USP13: variants seen among roughly 807,000 people sequenced by gnomAD.
USP13 encodes the protein ubiquitin specific peptidase 13.
In USP13, 68 loss-of-function variants were observed where a neutral mutation model predicts 107.8. The ratio of observed to expected loss-of-function variants is 0.63; its 90% confidence interval spans 0.52 to 0.77. The LOEUF (loss-of-function observed/expected upper bound fraction) is 0.77, where lower values mean the gene tolerates loss of function less well. Among genes scored for constraint, USP13 ranks in the 30% least tolerant of loss-of-function variants. The probability of loss-of-function intolerance (pLI) is 0.00; values close to 1 mark genes in which losing one functional copy is unlikely to be tolerated. For missense variants in USP13, 945 were observed against 1,093.3 expected, an observed-to-expected ratio of 0.86 and a Z score of 1.91; for synonymous variants, 377 against 389.5, an observed-to-expected ratio of 0.97 and a Z score of 0.38.
chr3:179,662,148 C>T (rs1003898149), intron 1 of USP13, among the ~76,000 whole-genome samples: 9 of 152,168 alleles, frequency 5.9e-5, no homozygotes, highest in African/African-American at 2.4e-5. Flanking sequence ...TGGACTGATA[C>T]ACATACATTC....
At chr3:179,729,581 C>T (rs1713720509) in intron 8 of USP13, among the ~76,000 whole-genome samples, 1 of 152,200 alleles carries the variant, frequency 6.6e-6, no homozygotes. Context: ...AAGTAATTCT[C>T]CTGCCTCAGC....
intron 13 of USP13, 59 bp downstream of exon 13, chr3:179,745,276 AG>A: frequency 9.1e-7 from 1 of 1,096,158 alleles, no homozygotes; most frequent in African/African-American, 2.1e-5. Flanking sequence ...GGGTGGGGAC[AG>A]GGGTAAGGGA....
intron 19 of USP13, among the ~76,000 whole-genome samples, chr3:179,778,926 T>C (rs1715644957): frequency 6.6e-6 from 1 of 152,038 alleles, no homozygotes; most frequent in African/African-American, 2.4e-5. Flanking sequence ...TCTGATGAGG[T>C]GACATTTGGA....
intron 1 of USP13, among the ~76,000 whole-genome samples, chr3:179,670,500 G>A (rs2108442905): frequency 6.6e-6 from 1 of 152,124 alleles, no homozygotes; most frequent in South Asian, 2.1e-4. Flanking sequence ...GAGCCAACTA[G>A]AGTACAGTGT....
chr3:179,653,436 T>C lies in USP13; in HGVS notation c.168+43T>C, dbSNP rs1430416491. On this transcript the variant is annotated intron_variant, in intron 1 of 20. Transcript: ENST00000263966. The surrounding 1 kb of genome is among the most constrained non-coding windows in gnomAD (Gnocchi z 4.0). ...GGGGAGGGTCGCGGGGCCGGCGGCC[T>C]GCGGCACGTGAAGCCGGGGGAGAAG... The C allele has an allele frequency of 3.3e-6, 5 of 1,532,872 alleles. No individual in the cohort carries two copies. The highest frequency in any genetic ancestry group is 3.5e-6 in the Non-Finnish European group (4 of 1,136,130). 95.0% of individuals were successfully genotyped at this position (1,532,872 alleles called of 1,614,324 possible).
intron 1 of USP13, among the ~76,000 whole-genome samples, chr3:179,654,097 C>G (rs1720177906): frequency 6.6e-6 from 1 of 151,594 alleles, no homozygotes; most frequent in Non-Finnish European, 1.5e-5. Context: ...GCCTGTAGTC[C>G]CAGCTACTCG....
At chr3:179,759,467 G>GA (rs1714928630) in intron 16 of USP13, among the ~76,000 whole-genome samples, 1 of 152,150 alleles carries the variant, frequency 6.6e-6, no homozygotes, top group Non-Finnish European at 1.5e-5. Flanking sequence ...TGCACATCAT[G>GA]AATTTCTAAG....
intron 1 of USP13, among the ~76,000 whole-genome samples, chr3:179,674,422 A>T (rs897361041): frequency 1.3e-5 from 2 of 152,226 alleles, no homozygotes; most frequent in African/African-American, 4.8e-5. Flanking sequence ...AACCTCATCC[A>T]TCGTGACAAT....
chr3:179,756,195 C>T (rs563144070), intron 15 of USP13, among the ~76,000 whole-genome samples: 5 of 152,116 alleles, frequency 3.3e-5, no homozygotes, highest in South Asian at 4.2e-4. Context: ...GAGGCCAAGG[C>T]GGGCAGATCA....
rs55669733 is a variant in USP13 at position 179,783,860 on chromosome 3, T to TA, written c.2499-171dup. ...GGGAATAGAATGAGGCCTTGTCTCTTAAAAAAAAAAAAAAAAAGCAGTTGT... is the reference window on the plus strand; with the variant it reads ...GGGAATAGAATGAGGCCTTGTCTCTTAAAAAAAAAAAAAAAAAAGCAGTTGT... On this transcript the variant is annotated intron_variant, in intron 20 of 20. Coordinates refer to ENST00000263966, the MANE Select transcript of USP13 (RefSeq NM_003940.3). 5.9e-3 allele frequency among the ~76,000 whole-genome samples: 814 copies of TA among 137,304 alleles called. 2 individuals carry two copies. The highest frequency in any genetic ancestry group is 0.018 in the South Asian group (72 of 4,110). 90.1% of individuals were successfully genotyped at this position (137,304 alleles called of 152,430 possible).
At chr3:179,774,629 G>A (rs769981487) in intron 19 of USP13, among the ~76,000 whole-genome samples, 7 of 152,190 alleles carry the variant, frequency 4.6e-5, no homozygotes, top group Admixed American at 6.5e-5. Context: ...GCTCATAAAG[G>A]TAGTGGAGAC....
At chr3:179,716,569 G>A (rs1210900467) in intron 6 of USP13, among the ~76,000 whole-genome samples, 4 of 152,126 alleles carry the variant, frequency 2.6e-5, no homozygotes, top group Admixed American at 6.5e-5. Flanking sequence ...AGGATGACCC[G>A]CGCCAGGCAT....
chr3:179,727,302 A>C (rs1713562185), intron 8 of USP13, among the ~76,000 whole-genome samples: 1 of 133,392 alleles, frequency 7.5e-6, no homozygotes, highest in African/African-American at 2.7e-5. Context: ...TCCTAGGCAG[A>C]GGACCCTGCG....
At chr3:179,658,425 G>A (rs1720353200) in intron 1 of USP13, among the ~76,000 whole-genome samples, 1 of 149,344 alleles carries the variant, frequency 6.7e-6, no homozygotes, top group African/African-American at 2.6e-5. Flanking sequence ...TGGCTCTCTT[G>A]TGCTAATTCT....
intron 17 of USP13, 21 bp downstream of exon 17, chr3:179,761,276 A>T: frequency 6.2e-7 from 1 of 1,613,760 alleles, no homozygotes; most frequent in East Asian, 2.2e-5. Context: ...AGAAAATGGA[A>T]TGGCTTTGGA....
chr3:179,739,820 A>G (rs1284157075), intron 10 of USP13, among the ~76,000 whole-genome samples: 2 of 152,102 alleles, frequency 1.3e-5, no homozygotes, highest in African/African-American at 4.8e-5. Context: ...CGGCCTCCCA[A>G]AATGCTAGGA....
intron 18 of USP13, 65 bp downstream of exon 18, chr3:179,764,233 G>A: frequency 6.5e-7 from 1 of 1,529,432 alleles, no homozygotes; most frequent in Non-Finnish European, 8.8e-7. Context: ...TTCTGTAGCA[G>A]TTGAGACTTT....
chr3:179,653,245 T>A lies in USP13; in HGVS notation c.20T>A (p.Leu7Gln). MQRRGA[L>Q]FGMPGGSGGR... Reference sequence around the variant, plus strand: ...GAGGCCATGCAGCGCCGGGGCGCCCTGTTCGGCATGCCGGGCGGCAGCGGA... The same window carrying A: ...GAGGCCATGCAGCGCCGGGGCGCCCAGTTCGGCATGCCGGGCGGCAGCGGA... The change falls in exon 1 of 21, where the codon CTG (leucine) becomes CAG (glutamine). Residue 7 changes from leucine (L) to glutamine (Q), a missense_variant. Physicochemically the swap from Leu to Gln is moderately radical, Grantham distance 113. Transcript: ENST00000263966. The surrounding 1 kb of genome is among the most constrained non-coding windows in gnomAD (Gnocchi z 4.0). 1 of 1,552,950 alleles carries A rather than the reference T, an allele frequency of 6.4e-7. No individual in the cohort carries two copies. The highest frequency in any genetic ancestry group is 8.7e-7 in the Non-Finnish European group (1 of 1,149,318).
rs527485071 is a variant in USP13 at position 179,752,902 on chromosome 3, G to T, written c.1798+529G>T. Among the ~76,000 whole-genome samples the T allele has an allele frequency of 2.0e-5, 3 of 152,340 alleles. No homozygotes were observed. In the South Asian group the frequency reaches 6.2e-4, roughly 32 times the overall value. ...ACTTAATAAAGTAGAAAAAAAGCCA[G>T]TTGCATTAGACAGTAAAACAAAAGG... On this transcript the variant is annotated intron_variant, in intron 14 of 20. Transcript: ENST00000263966.
Sources: allele counts gnomAD v4.1 joint callset (sites outside exome capture counted in the v4.1 genomes callset), GRCh38; gene constraint gnomAD v4.1.1; non-coding constraint Gnocchi (gnomAD v3.1); transcripts MANE v1.5; gene names NCBI Gene and HGNC (gene_info 2026-07-23, HGNC 2026-07-21).